Variants in RYR2 observed in about 807,000 individuals in gnomAD.
RYR2 encodes ryanodine receptor 2.
Under a neutral mutation model 601.1 loss-of-function variants are expected in RYR2, and 227 were observed. That is an observed-to-expected ratio of 0.38 (90% CI 0.34 to 0.42). The LOEUF (loss-of-function observed/expected upper bound fraction) is 0.42, where lower values mean the gene tolerates loss of function less well. Among genes scored for constraint, RYR2 ranks in the 10% least tolerant of loss-of-function variants. RYR2 has a pLI of 1.00. For synonymous variants in RYR2, 2,223 were observed against 2,175.1 expected (o/e 1.02, Z -0.61); for missense variants, 4,646 against 6,156.5 (o/e 0.75, Z 8.21).
At chr1:237,715,016 AAAAAAAAG>A (rs1188567972) in intron 71 of RYR2, among the ~76,000 whole-genome samples, 6 of 150,078 alleles carry the variant, frequency 4.0e-5, no homozygotes, top group Non-Finnish European at 7.4e-5. Context: ...AAAAAAAAAA[AAAAAAAAG>A]GGCTCAGGTG....
chr1:237,798,166 G>A lies in RYR2; in HGVS notation c.14086G>A (p.Ala4696Thr), dbSNP rs1163441753. Residue 4696 changes from alanine to threonine, a missense_variant, in exon 97 of 105, where the codon GCT (alanine) becomes ACT (threonine). Physicochemically the swap from Ala to Thr is moderately conservative, Grantham distance 58. Transcript: ENST00000366574. ...GCCAAAGAAAGACAGCTCCTTATCA[G>A]CTGTGTAAGTGTTACTTCGGCTCTA... ...KKPKKDSSLS[A>T]VLNSIDVKYQ... The A allele has an allele frequency of 4.3e-6, 7 of 1,612,494 alleles. No individual in the cohort carries two copies. The highest frequency in any genetic ancestry group is 5.9e-6 in the Non-Finnish European group (7 of 1,179,246).
intron 1 of RYR2, among the ~76,000 whole-genome samples, chr1:237,156,056 C>G (rs1294603688): frequency 1.3e-5 from 2 of 152,192 alleles, no homozygotes; most frequent in African/African-American, 4.8e-5. Context: ...GACATTTAGG[C>G]TTCTTTCTGT....
At chr1:237,361,414 C>T (rs1017164971) in intron 4 of RYR2, among the ~76,000 whole-genome samples, 6 of 151,988 alleles carry the variant, frequency 3.9e-5, no homozygotes, top group African/African-American at 1.2e-4. Context: ...CATCTTGATA[C>T]GTGGAGAGGA....
chr1:237,552,318 A>G (rs907573346), intron 27 of RYR2, among the ~76,000 whole-genome samples: 1 of 152,164 alleles, frequency 6.6e-6, no homozygotes, highest in African/African-American at 2.4e-5. Flanking sequence ...AAACCCTCAA[A>G]GCTAATTAGT....
intron 25 of RYR2, among the ~76,000 whole-genome samples, chr1:237,534,131 A>T (rs1668385582): frequency 6.6e-6 from 1 of 152,062 alleles, no homozygotes; most frequent in South Asian, 2.1e-4. Flanking sequence ...AATAGTAAGA[A>T]TGACACACTA....
chr1:237,573,340 A>G (rs894255111), intron 29 of RYR2, among the ~76,000 whole-genome samples: 1 of 151,898 alleles, frequency 6.6e-6, no homozygotes, highest in African/African-American at 2.4e-5. Context: ...TTAGTAGACA[A>G]CATGGCCAAG....
At position 237,588,522 on chromosome 1, in the gene RYR2, T is replaced by C. The variant is rs191816085; in HGVS notation, c.3599-1271T>C. On this transcript the variant is annotated intron_variant, in intron 29 of 104. Coordinates refer to ENST00000366574, the MANE Select transcript of RYR2 (RefSeq NM_001035.3). ...TTTAGTGTGCTGCCTACTTGAACAT[T>C]CATGTAAAACATTACAGGAAGAAAT... 5.3e-5 allele frequency among the ~76,000 whole-genome samples: 8 copies of C among 152,224 alleles called. No homozygotes were observed. The East Asian group carries it at 1.5e-3, about 29-fold the overall frequency.
chr1:237,247,265 A>G (rs1249861003), intron 1 of RYR2, among the ~76,000 whole-genome samples: 1 of 152,132 alleles, frequency 6.6e-6, no homozygotes, highest in Non-Finnish European at 1.5e-5. Flanking sequence ...GCTCGTGCAA[A>G]AATAATTGTT....
At chr1:237,517,453 C>G (rs1666659616) in intron 24 of RYR2, among the ~76,000 whole-genome samples, 1 of 152,078 alleles carries the variant, frequency 6.6e-6, no homozygotes, top group South Asian at 2.1e-4. Flanking sequence ...TATCTTGGGC[C>G]ACACACAAAA....
At chr1:237,676,138 G>A (rs1685376405) in intron 60 of RYR2, among the ~76,000 whole-genome samples, 1 of 152,234 alleles carries the variant, frequency 6.6e-6, no homozygotes, top group South Asian at 2.1e-4. Context: ...GAAAGGATCC[G>A]ATATGCGTAG....
intron 38 of RYR2, among the ~76,000 whole-genome samples, chr1:237,620,951 A>C (rs955800650): frequency 2.0e-5 from 3 of 152,098 alleles, no homozygotes; most frequent in Non-Finnish European, 4.4e-5. Context: ...TACTCCACCC[A>C]ACGACAAGGT....
At position 237,248,326 on chromosome 1, in the gene RYR2, A is replaced by AAAAATCCATTGGTTTCAAAGGAG. The variant is rs1379339367; in HGVS notation, c.49-22167_49-22145dup. ...AAAATGATGATGTATCATTTGAAAA[A>AAAAATCCATTGGTTTCAAAGGAG]AAAATCCATTGGTTTCAAAGGAGAA... On this transcript the variant is annotated intron_variant, in intron 1 of 104. Transcript: ENST00000366574. Among the ~76,000 whole-genome samples the AAAAATCCATTGGTTTCAAAGGAG allele has an allele frequency of 3.1e-5, 4 of 130,308 alleles. No homozygotes were observed. The Admixed American group carries it at 3.8e-4, about 12-fold the overall frequency. 85.5% of individuals were successfully genotyped at this position (130,308 alleles called of 152,430 possible). A position where few individuals can be genotyped will look rare whatever the true frequency, so the allele number is the denominator to read the frequency against.
intron 3 of RYR2, among the ~76,000 whole-genome samples, chr1:237,338,491 G>GAT (rs1260184761): frequency 6.6e-6 from 1 of 152,102 alleles, no homozygotes; most frequent in South Asian, 2.1e-4. Flanking sequence ...AAAAAATGAG[G>GAT]ATATATATAA....
chr1:237,142,836 CATT>C (rs1673535999), intron 1 of RYR2, among the ~76,000 whole-genome samples: 1 of 152,060 alleles, frequency 6.6e-6, no homozygotes, highest in Non-Finnish European at 1.5e-5. Flanking sequence ...CCAGAGGTAT[CATT>C]ACCTCTCACT....
chr1:237,192,743 A>G (rs191806052), intron 1 of RYR2, among the ~76,000 whole-genome samples: 82 of 152,348 alleles, frequency 5.4e-4, no homozygotes, highest in African/African-American at 1.9e-3. Context: ...AGAGATACGT[A>G]ACTTAAGTAT....
chr1:237,791,559 A>C, intron 93 of RYR2, 44 bp downstream of exon 93: 1 of 947,172 alleles, frequency 1.1e-6, no homozygotes, highest in South Asian at 1.4e-5. Flanking sequence ...AAAACTCCAA[A>C]TAGAAATGAA....
chr1:237,782,624 T>A (rs1695217101), intron 89 of RYR2, among the ~76,000 whole-genome samples: 1 of 152,170 alleles, frequency 6.6e-6, no homozygotes, highest in East Asian at 1.9e-4. Flanking sequence ...TTTCCATGCA[T>A]GGCCCCGATT....
intron 16 of RYR2, among the ~76,000 whole-genome samples, chr1:237,468,004 G>A (rs199717183): frequency 1.8e-4 from 27 of 151,840 alleles, no homozygotes; most frequent in Middle Eastern, 3.4e-3. Context: ...GATTACAGGC[G>A]CCCACCACCA....
At chr1:237,775,715 A>T (rs969868404) in intron 87 of RYR2, among the ~76,000 whole-genome samples, 7 of 152,206 alleles carry the variant, frequency 4.6e-5, no homozygotes, top group Admixed American at 3.3e-4. Flanking sequence ...TTCCTACAGT[A>T]AGACCATGAG....
Sources: allele counts gnomAD v4.1 joint callset (sites outside exome capture counted in the v4.1 genomes callset), GRCh38; gene constraint gnomAD v4.1.1; transcripts MANE v1.5; gene names NCBI Gene and HGNC (gene_info 2026-07-23, HGNC 2026-07-21).